The following ESYT2 variants were observed in gnomAD, a reference collection of about 807,000 sequenced individuals.
The protein encoded by ESYT2 is extended synaptotagmin 2.
ESYT2 carries 54 observed loss-of-function variants against 107.2 expected under a neutral mutation model. That is an observed-to-expected ratio of 0.50 (90% CI 0.40 to 0.63). The LOEUF is 0.63. ESYT2 is among the 30% of genes least tolerant of loss of function. ESYT2 has a pLI of 0.00. For synonymous variants in ESYT2, 491 were observed against 434.1 expected, an observed-to-expected ratio of 1.13 and a Z score of -1.63; for missense variants, 1,020 against 1,094.5, an observed-to-expected ratio of 0.93 and a Z score of 0.96.
rs748826066 is a variant in ESYT2, at chr7:158,734,469, T to C, written c.2508A>G (p.Val836=). Residue 836 remains valine, a splice_region_variant and synonymous_variant, in exon 22 of 23, where the codon GTA becomes GTG. Coordinates refer to ENST00000275418, the MANE Select transcript of ESYT2 (RefSeq NM_001367773.1). ...GTTCTTCAGATGCCAGAGCAACCAA[T>C]ACCTGTGGGTTGTTAAAAAAGCAGT... ...LSKDKGLLGK[V]LVALASEELA... is the part of the protein sequence containing the mutation. 2.5e-6 allele frequency: 4 copies of C among 1,613,328 alleles called. No homozygotes were observed. In the East Asian group the frequency reaches 6.7e-5, roughly 27 times the overall value.
chr7:158,732,220 G>A lies in ESYT2; in HGVS notation c.*1987C>T, dbSNP rs931911226. The A allele has an allele frequency of 6.6e-6, 1 of 152,192 alleles. No individual in the cohort carries two copies. Among genetic ancestry groups the A allele is most frequent in the African/African-American group, 2.4e-5 (1 of 41,458 alleles). 9.4% of individuals were successfully genotyped at this position (152,192 alleles called of 1,614,324 possible). On this transcript the variant is annotated 3_prime_UTR_variant, in exon 23 of 23. Coordinates refer to ENST00000275418, the MANE Select transcript of ESYT2 (RefSeq NM_001367773.1). ...TGCTACAATTTCCATGAGTGCTGCTGCTTTATAGATTATGACAGAAGACTT... is the reference window on the plus strand; with the variant it reads ...TGCTACAATTTCCATGAGTGCTGCTACTTTATAGATTATGACAGAAGACTT...
chr7:158,800,063 T>TC (rs947117416), intron 1 of ESYT2, among the ~76,000 whole-genome samples: 10 of 151,752 alleles, frequency 6.6e-5, no homozygotes, highest in Non-Finnish European at 1.5e-4. Context: ...AATTTTTTTT[T>TC]TTTTTTGAGA....
intron 10 of ESYT2, among the ~76,000 whole-genome samples, 197 bp from the exon 11 acceptor site, chr7:158,761,741 C>A (rs1042825752): frequency 3.3e-5 from 5 of 152,130 alleles, no homozygotes; most frequent in Non-Finnish European, 7.4e-5. Context: ...CTCCAGCTCA[C>A]CCCCAGTGTC....
intron 9 of ESYT2, among the ~76,000 whole-genome samples, chr7:158,764,211 G>C (rs1838073107): frequency 6.6e-6 from 1 of 152,046 alleles, no homozygotes; most frequent in Non-Finnish European, 1.5e-5. Flanking sequence ...GAATAGCCTA[G>C]GCCTCTCTGG....
intron 4 of ESYT2, among the ~76,000 whole-genome samples, chr7:158,789,523 T>G (rs1584854173): frequency 6.6e-6 from 1 of 152,166 alleles, no homozygotes; most frequent in Middle Eastern, 3.4e-3. Flanking sequence ...CGCTAATTAA[T>G]TTTTGTATTT....
chr7:158,744,105 T>C (rs1001828064), intron 16 of ESYT2: 1 of 158,560 alleles, frequency 6.3e-6, no homozygotes, highest in African/African-American at 2.4e-5. Context: ...CCACAGACAA[T>C]ATTAGTCTGT....
At chr7:158,826,153 G>C (rs2129474457) in intron 1 of ESYT2, among the ~76,000 whole-genome samples, 1 of 152,102 alleles carries the variant, frequency 6.6e-6, no homozygotes, top group East Asian at 1.9e-4. Context: ...CAGAATTTCA[G>C]GCACACTTCG....
chr7:158,749,051 A>G (rs118168246), intron 15 of ESYT2, among the ~76,000 whole-genome samples: 1 of 152,126 alleles, frequency 6.6e-6, no homozygotes, highest in South Asian at 2.1e-4. Context: ...AATTGTTCCC[A>G]TGTGTCTACT....
At chr7:158,789,821 C>T (rs988541411) in intron 4 of ESYT2, among the ~76,000 whole-genome samples, 1 of 152,174 alleles carries the variant, frequency 6.6e-6, no homozygotes, top group African/African-American at 2.4e-5. Flanking sequence ...GGCAGCTAAC[C>T]ATGAAACCAG....
At chr7:158,803,387 CTTCTT>C (rs968009491) in intron 1 of ESYT2, among the ~76,000 whole-genome samples, 1 of 152,214 alleles carries the variant, frequency 6.6e-6, no homozygotes, top group African/African-American at 2.4e-5. Flanking sequence ...TGAGACGCCT[CTTCTT>C]TATCAGTTAC....
rs12670001 is a variant in ESYT2 at position 158,757,566 on chromosome 7, G to A, written c.1419+1920C>T. On this transcript the variant is annotated intron_variant, in intron 13 of 22. Transcript: ENST00000275418. ...CTCGCGGGACGCCCCTTAATCCAGC[G>A]CCAAAGGATCCCAGAGCTCGCGGGA... 3.0e-4 allele frequency among the ~76,000 whole-genome samples: 45 copies of A among 152,204 alleles called. No homozygotes were observed. In the East Asian group the frequency reaches 8.1e-3, roughly 27 times the overall value.
In ESYT2 at chr7:158,764,754, T is replaced by A; in HGVS notation, c.1024A>T (p.Ile342Phe). Residue 342 changes from isoleucine to phenylalanine, a missense_variant, in exon 9 of 23, where the codon ATT becomes TTT. By Grantham distance (21) the Ile-to-Phe change is conservative. Transcript: ENST00000275418. Reference sequence around the variant, plus strand: ...TGGAAGATTTGGTTGCCAACTCTAATGATTCCATAGGGGTCTGACTTTCCC... The same window carrying A: ...TGGAAGATTTGGTTGCCAACTCTAAAGATTCCATAGGGGTCTGACTTTCCC... ...VKGKSDPYGI[I>F]RVGNQIFQSR... 6.2e-7 allele frequency: 1 copy of A among 1,614,204 alleles called. No individual in the cohort carries two copies. Among genetic ancestry groups the A allele is most frequent in the Non-Finnish European group, 8.5e-7 (1 of 1,180,042 alleles).
intron 13 of ESYT2, among the ~76,000 whole-genome samples, chr7:158,757,450 C>G (rs1170998455): frequency 6.6e-6 from 1 of 152,210 alleles, no homozygotes; most frequent in Non-Finnish European, 1.5e-5. Context: ...GCAGTGGAGC[C>G]AGGGGAGAAA....
chr7:158,781,597 G>A (rs1307278676), intron 6 of ESYT2, among the ~76,000 whole-genome samples: 1 of 150,144 alleles, frequency 6.7e-6, no homozygotes, highest in African/African-American at 2.4e-5. Flanking sequence ...TTGAGTATAA[G>A]ACCGAGAACA....
At chr7:158,794,703 G>C (rs1011272430) in intron 3 of ESYT2, among the ~76,000 whole-genome samples, 2 of 151,848 alleles carry the variant, frequency 1.3e-5, no homozygotes, top group African/African-American at 2.4e-5. Flanking sequence ...ACTGAGCCCG[G>C]GGGGGTAAGG....
chr7:158,788,657 A>G (rs778063873), intron 4 of ESYT2, among the ~76,000 whole-genome samples: 1 of 152,146 alleles, frequency 6.6e-6, no homozygotes, highest in African/African-American at 2.4e-5. Flanking sequence ...CAATCAATCA[A>G]TGGCTGTGGT....
intron 8 of ESYT2, among the ~76,000 whole-genome samples, chr7:158,765,803 A>G (rs1838139063): frequency 6.6e-6 from 1 of 152,136 alleles, no homozygotes; most frequent in African/African-American, 2.4e-5. Context: ...TTTTATTGAT[A>G]AAATAAAAAA....
In ESYT2 at chr7:158,754,234, G is replaced by A. The variant is rs180852134; in HGVS notation, c.1420-1391C>T. ...TTATTATTTATATTTTTGAGACGGA[G>A]TCTTGCTCTGTCACCAGGCTGCAGT... is the stretch of plus-strand genomic sequence containing the variant. On this transcript the variant is annotated intron_variant, in intron 13 of 22. Transcript: ENST00000275418. 3.0e-3 allele frequency among the ~76,000 whole-genome samples: 455 copies of A among 152,190 alleles called. 4 individuals are homozygous for A. Among genetic ancestry groups the A allele is most frequent in the Middle Eastern group, 0.01 (3 of 294 alleles).
At chr7:158,824,782 G>A (rs1840390213) in intron 1 of ESYT2, among the ~76,000 whole-genome samples, 1 of 152,162 alleles carries the variant, frequency 6.6e-6, no homozygotes, top group African/African-American at 2.4e-5. Context: ...ATCCTATGAA[G>A]AGATAATATT....
Sources: allele counts gnomAD v4.1 joint callset (sites outside exome capture counted in the v4.1 genomes callset), GRCh38; gene constraint gnomAD v4.1.1; transcripts MANE v1.5; gene names NCBI Gene and HGNC (gene_info 2026-07-23, HGNC 2026-07-21).